Variants in ST6GALNAC6 observed in about 807,000 individuals in gnomAD.
The protein encoded by ST6GALNAC6 is ST6 N-acetylgalactosaminide alpha-2,6-sialyltransferase 6.
ST6GALNAC6 carries 19 observed loss-of-function variants against 34.3 expected under a neutral mutation model. That is an observed-to-expected ratio of 0.55 (90% CI 0.39 to 0.81). The LOEUF (loss-of-function observed/expected upper bound fraction) is 0.81, where lower values mean the gene tolerates loss of function less well. Among genes scored for constraint, ST6GALNAC6 ranks in the 40% least tolerant of loss-of-function variants. The pLI is 0.00. For synonymous variants in ST6GALNAC6, 185 were observed against 182.1 expected (o/e 1.02, Z -0.13); for missense variants, 377 against 467.7 (o/e 0.81, Z 1.79).
At position 127,905,279 on chromosome 9, in the gene ST6GALNAC6, T is replaced by G. The variant is rs1052162890; in HGVS notation, c.-149A>C. On this transcript the variant is annotated 5_prime_UTR_variant, in exon 1 of 6. Coordinates refer to the ST6GALNAC6 transcript ENST00000622357. ...GTTTCCTGATCAAGACAGCCTTCAG[T>G]AGACCCCGAACCAGCCACCAGACCT... is the stretch of plus-strand genomic sequence containing the variant. 3.0e-6 allele frequency: 3 copies of G among 985,454 alleles called. No homozygotes were observed. In the African/African-American group the frequency reaches 5.2e-5, roughly 17 times the overall value. The allele number at this position is 985,454 out of a possible 1,614,324, so 61.0% of individuals were successfully genotyped here.
At chr9:127,886,920 TCCATAAAATGG>T (rs1175457900) in intron 6 of ST6GALNAC6, 132 bp from the exon 7 acceptor site, 1 of 923,754 alleles carries the variant, frequency 1.1e-6, no homozygotes, top group Non-Finnish European at 1.6e-6. Flanking sequence ...GGTTTCCCCA[TCCATAAAATGG>T]GTGCAGGGTA....
At chr9:127,896,804 C>A (rs1023802150) in intron 2 of ST6GALNAC6, 1 of 956,698 alleles carries the variant, frequency 1.0e-6, no homozygotes, top group Non-Finnish European at 1.2e-6. Context: ...TCCTCCAAGC[C>A]TGGCATGGAC....
At chr9:127,891,378 G>T (rs924678156) in intron 4 of ST6GALNAC6, among the ~76,000 whole-genome samples, 2 of 152,118 alleles carry the variant, frequency 1.3e-5, no homozygotes, top group African/African-American at 4.8e-5. Context: ...CACTTTGGGA[G>T]GCCGAGGCAG....
intron 1 of ST6GALNAC6, among the ~76,000 whole-genome samples, chr9:127,898,344 G>T (rs1465666804): frequency 2.6e-5 from 4 of 152,180 alleles, no homozygotes; most frequent in Admixed American, 2.0e-4. Context: ...AGTGAACCGA[G>T]ATGGTGCCAC....
chr9:127,897,433 T>C (rs942557974), intron 2 of ST6GALNAC6: 2 of 987,076 alleles, frequency 2.0e-6, no homozygotes, highest in Non-Finnish European at 2.4e-6. Flanking sequence ...CAGAGGAGGC[T>C]TGGCACACAC....
In ST6GALNAC6 at chr9:127,897,952, T is replaced by C. The variant is rs748594705; in HGVS notation, c.26+4A>G. On this transcript the variant is annotated splice_donor_region_variant and intron_variant, in intron 2 of 6. Transcript: ENST00000373146. ...CCAGTGCGAATCCCGGTTTCACCAC[T>C]TACTGGCTGGGGGGCCTCGAGCAAG... The C allele has an allele frequency of 6.2e-7, 1 of 1,611,976 alleles. No homozygotes were observed. The highest frequency in any genetic ancestry group is 1.1e-5 in the South Asian group (1 of 90,726).
intron 6 of ST6GALNAC6, among the ~76,000 whole-genome samples, chr9:127,887,157 G>C (rs140801680): frequency 6.6e-6 from 1 of 152,068 alleles, no homozygotes; most frequent in African/African-American, 2.4e-5. Flanking sequence ...TTCTTATCCC[G>C]TAAGGTTGCT....
upstream of ST6GALNAC6, chr9:127,905,555 A>C: frequency 3.9e-6 from 2 of 507,094 alleles, no homozygotes; most frequent in Non-Finnish European, 5.1e-6. Context: ...GAACCAGTGG[A>C]CACTGGGCCT....
rs1289699790 is a variant in ST6GALNAC6 at position 127,886,200 on chromosome 9, CA to C, written c.*398del. 5 of 318,474 alleles carry C rather than the reference CA, an allele frequency of 1.6e-5. No homozygotes were observed. The highest frequency in any genetic ancestry group is 1.1e-4 in the African/African-American group (5 of 47,026). The allele number at this position is 318,474 out of a possible 1,614,324, so 19.7% of individuals were successfully genotyped here. Reference sequence around the variant, plus strand: ...GTGCTGGAAATTGAGGGGGCAACACCAAGTTCCCAGCTCCTTGGGACAGGAC... The same window carrying C: ...GTGCTGGAAATTGAGGGGGCAACACCAGTTCCCAGCTCCTTGGGACAGGAC... On this transcript the variant is annotated 3_prime_UTR_variant, in exon 7 of 7. Transcript: ENST00000373146.
intron 5 of ST6GALNAC6, among the ~76,000 whole-genome samples, chr9:127,888,663 T>G (rs1357297723): frequency 1.4e-5 from 2 of 144,698 alleles, no homozygotes; most frequent in Non-Finnish European, 3.0e-5. Context: ...AAAAATTAGC[T>G]GGCGTGGTGG....
intron 5 of ST6GALNAC6, 73 bp from the exon 6 acceptor site, chr9:127,887,664 C>G (rs907331202): frequency 1.6e-6 from 2 of 1,260,954 alleles, no homozygotes; most frequent in Non-Finnish European, 2.3e-6. Flanking sequence ...GGGTCACCCA[C>G]GTGGAGTTCC....
rs1443972654 is a variant in ST6GALNAC6 at position 127,885,885 on chromosome 9, G to GCCTT, written c.*710_*713dup. ...CACCCCAGACCCCCCAAAGAGCTGA[G>GCCTT]CCTTCCAGCAAGGGATAGTGGCTGG... On this transcript the variant is annotated 3_prime_UTR_variant, in exon 7 of 7. Coordinates refer to ENST00000373146, the MANE Select transcript of ST6GALNAC6 (RefSeq NM_013443.5). 6.6e-6 allele frequency: 1 copy of GCCTT among 152,272 alleles called. No homozygotes were observed. Among genetic ancestry groups the GCCTT allele is most frequent in the African/African-American group, 2.4e-5 (1 of 41,430 alleles). 9.4% of individuals were successfully genotyped at this position (152,272 alleles called of 1,614,324 possible).
chr9:127,903,583 G>A (rs1332662824), upstream of ST6GALNAC6: 1 of 152,222 alleles, frequency 6.6e-6, no homozygotes, highest in Non-Finnish European at 1.5e-5. Flanking sequence ...CACCAGGCAG[G>A]GAGGGGGTGG....
At chr9:127,897,241 C>T (rs1830519102) in intron 2 of ST6GALNAC6, 24 of 985,772 alleles carry the variant, frequency 2.4e-5, no homozygotes, top group Non-Finnish European at 2.6e-5. Context: ...AGCCTACCTC[C>T]AGCAGACAGG....
At chr9:127,897,549 G>T in intron 2 of ST6GALNAC6, 1 of 614,362 alleles carries the variant, frequency 1.6e-6, no homozygotes, top group Non-Finnish European at 2.0e-6. Flanking sequence ...TTTCTCCAGC[G>T]GCTGCCCCTC....
chr9:127,895,814 G>A (rs1830418485), intron 3 of ST6GALNAC6, among the ~76,000 whole-genome samples: 1 of 152,160 alleles, frequency 6.6e-6, no homozygotes, highest in South Asian at 2.1e-4. Flanking sequence ...AAGTGCTTAG[G>A]AAAGAATGAA....
intron 2 of ST6GALNAC6, among the ~76,000 whole-genome samples, 194 bp from the exon 3 acceptor site, chr9:127,896,526 G>A (rs2296701): frequency 0.034 from 5,194 of 152,288 alleles, 252 homozygotes; most frequent in East Asian, 0.2. Flanking sequence ...ACAGCCTGGT[G>A]GCGGCAGAGC....
chr9:127,894,049 G>A (rs531750005), intron 4 of ST6GALNAC6, among the ~76,000 whole-genome samples: 37 of 152,190 alleles, frequency 2.4e-4, no homozygotes, highest in African/African-American at 6.5e-4. Context: ...TTCACCTCTC[G>A]GAGCCTTGGT....
Position 127,891,061 on chromosome 9 carries a change from T to A in ST6GALNAC6, c.298-18A>T. 6.2e-7 allele frequency: 1 copy of A among 1,611,010 alleles called. No homozygotes were observed. Among genetic ancestry groups the A allele is most frequent in the Non-Finnish European group, 8.5e-7 (1 of 1,178,506 alleles). ...GGCAGTGTCTGGTGGATAAGGAAAG[T>A]CAACATTATCACGGCCACTCTGTGC... On this transcript the variant is annotated intron_variant, in intron 4 of 6. Transcript: ENST00000373146.
Sources: allele counts gnomAD v4.1 joint callset (sites outside exome capture counted in the v4.1 genomes callset), GRCh38; gene constraint gnomAD v4.1.1; transcripts MANE v1.5; gene names NCBI Gene and HGNC (gene_info 2026-07-23, HGNC 2026-07-21).